Variants in NEU3 observed in about 807,000 individuals in gnomAD.
The protein encoded by NEU3 is sialidase-3.
NEU3 carries 10 observed loss-of-function variants against 11.4 expected under a neutral mutation model. That is an observed-to-expected ratio of 0.88 (90% CI 0.54 to 1.49). The LOEUF (loss-of-function observed/expected upper bound fraction) is 1.49. Ranked by LOEUF, NEU3 falls within the 40% of genes most tolerant of loss-of-function variation. NEU3 has a pLI of 0.00. For synonymous variants in NEU3, 212 were observed against 228.2 expected (o/e 0.93, Z 0.64); for missense variants, 529 against 581.8 (o/e 0.91, Z 0.93).
chr11:75,000,449 A>G (rs988859016), intron 2 of NEU3, among the ~76,000 whole-genome samples: 1 of 151,714 alleles, frequency 6.6e-6, no homozygotes, highest in Non-Finnish European at 1.5e-5. Context: ...AATTTTGACT[A>G]CTCTAGATAT....
chr11:75,006,419 G>A lies in NEU3; in HGVS notation c.1313G>A (p.Arg438Gln), dbSNP rs201609223. The A allele has an allele frequency of 1.2e-5, 20 of 1,613,768 alleles. No homozygotes were observed. The highest frequency in any genetic ancestry group is 2.2e-5 in the South Asian group (2 of 91,078). ...EQIAFRLFTH[R>Q]EILSHLQGDC... is the part of the protein sequence containing the mutation. Reference sequence around the variant, plus strand: ...ATTGCCTTCCGCCTGTTTACACACCGGGAGATCCTGAGTCACCTGCAGGGG... The same window carrying A: ...ATTGCCTTCCGCCTGTTTACACACCAGGAGATCCTGAGTCACCTGCAGGGG... The change falls in exon 3 of 3, where the codon CGG becomes CAG. Residue 438 changes from arginine to glutamine, a missense_variant. Coordinates refer to ENST00000294064, the MANE Select transcript of NEU3 (RefSeq NM_006656.6).
At chr11:74,989,856 C>A in intron 1 of NEU3, 1 of 650,840 alleles carries the variant, frequency 1.5e-6, no homozygotes. Flanking sequence ...GCGGGAAGGA[C>A]TTGATGGGAA....
intron 2 of NEU3, among the ~76,000 whole-genome samples, chr11:75,003,633 T>A (rs1948867402): frequency 6.6e-6 from 1 of 152,156 alleles, no homozygotes; most frequent in Admixed American, 6.5e-5. Flanking sequence ...CTCACGCCTG[T>A]AATCCCAGCA....
Position 74,994,557 on chromosome 11 carries a change from G to A in NEU3, c.143G>A (p.Arg48Gln), listed in dbSNP as rs7115499. The change falls in exon 2 of 3, where the codon CGG (arginine) becomes CAG (glutamine). Residue 48 changes from arginine to glutamine, a missense_variant. Arg to Gln is a conservative substitution (Grantham distance 43). Coordinates refer to ENST00000294064, the MANE Select transcript of NEU3 (RefSeq NM_006656.6). ...TTCSFNSPLF[R>Q]QEDDRGITYR... ...TGCTCCTTCAACAGCCCTCTGTTCC[G>A]GCAGGAAGATGACAGAGGGATTACC... 116,809 of 1,613,628 alleles carry A rather than the reference G, an allele frequency of 0.072. 4,769 individuals are homozygous for A. The highest frequency in any genetic ancestry group is 0.083 in the Non-Finnish European group (97,653 of 1,179,654).
At chr11:74,981,110 G>A in the NEU3 span, among the ~76,000 whole-genome samples, 1,724 of 152,296 alleles carry the variant, frequency 0.011, 35 homozygotes, top group African/African-American at 0.037. Context: ...AGTCTGTCAT[G>A]CCAGGCTTAG....
intron 2 of NEU3, among the ~76,000 whole-genome samples, chr11:74,998,894 G>T (rs1263456618): frequency 1.3e-5 from 2 of 152,200 alleles, no homozygotes; most frequent in Non-Finnish European, 2.9e-5. Context: ...TGGGATTCTA[G>T]CTCTTTCCTT....
chr11:74,995,279 G>A (rs1321911569), intron 2 of NEU3, among the ~76,000 whole-genome samples: 1 of 152,158 alleles, frequency 6.6e-6, no homozygotes, highest in Non-Finnish European at 1.5e-5. Context: ...TGTATGTGAG[G>A]TATATTTTAT....
intron 3 of NEU3, among the ~76,000 whole-genome samples, chr11:75,017,639 T>C (rs907790476): frequency 6.6e-6 from 1 of 152,064 alleles, no homozygotes; most frequent in Non-Finnish European, 1.5e-5. Flanking sequence ...CCTGGCTTCT[T>C]TGGGGATATT....
At chr11:74,987,774 C>T (rs971130131), upstream of NEU3, among the ~76,000 whole-genome samples, 7 of 151,780 alleles carry the variant, frequency 4.6e-5, no homozygotes, top group African/African-American at 7.3e-5. Flanking sequence ...GATGACGCCA[C>T]TGCACTCCAG....
rs1445872140 is a variant in NEU3 at position 74,989,082 on chromosome 11, C to A, written c.22C>A (p.Pro8Thr). 5.2e-6 allele frequency: 8 copies of A among 1,550,794 alleles called. No homozygotes were observed. Among genetic ancestry groups the A allele is most frequent in the Middle Eastern group, 1.8e-4 (1 of 5,686 alleles). Residue 8 changes from proline to threonine, a missense_variant, in exon 1 of 3, where the codon CCG becomes ACG. Physicochemically the swap from Pro to Thr is conservative, Grantham distance 38. Coordinates refer to ENST00000294064, the MANE Select transcript of NEU3 (RefSeq NM_006656.6). The stretch of plus-strand genomic sequence containing the variant: ...GCGAATGAGACCTGCGGACCTGCCC[C>A]CGCGCCCCATGGAAGAATCCCCGGC... Reference protein sequence around the residue: MRPADLPPRPMEESPASS... With the variant: MRPADLPTRPMEESPASS...
rs369520041 is a variant in NEU3 at position 75,005,943 on chromosome 11, A to T, written c.837A>T (p.Thr279=). The T allele has an allele frequency of 6.2e-7, 1 of 1,613,622 alleles. No homozygotes were observed. The highest frequency in any genetic ancestry group is 1.3e-5 in the African/African-American group (1 of 74,914). ...GHPVLYCSAR[T]PNRCRAEALS... ...CTGTGCTATATTGCAGTGCCCGGAC[A>T]CCAAACAGGTGCCGGGCAGAGGCGC... The change falls in exon 3 of 3, where the codon ACA becomes ACT. Residue 279 remains threonine (T), a synonymous_variant. Transcript: ENST00000294064.
intron 2 of NEU3, among the ~76,000 whole-genome samples, chr11:75,001,103 C>T (rs1466298712): frequency 1.3e-5 from 2 of 152,062 alleles, no homozygotes; most frequent in African/African-American, 4.8e-5. Context: ...TAGTTTTCCA[C>T]ATCCCCACCG....
chr11:74,997,680 C>T (rs1299320634), intron 2 of NEU3, among the ~76,000 whole-genome samples: 2 of 86,468 alleles, frequency 2.3e-5, no homozygotes, highest in African/African-American at 4.3e-5. Context: ...CCCGTCTCTA[C>T]TAAAAATACC....
At chr11:74,980,567 T>C in the NEU3 span, among the ~76,000 whole-genome samples, 4 of 152,224 alleles carry the variant, frequency 2.6e-5, no homozygotes, top group Non-Finnish European at 5.9e-5. Context: ...AATAGCACGT[T>C]AATTTAGACT....
At chr11:74,994,086 C>T (rs930115396) in intron 1 of NEU3, among the ~76,000 whole-genome samples, 62 of 152,084 alleles carry the variant, frequency 4.1e-4, no homozygotes, top group Admixed American at 1.4e-3. Flanking sequence ...CCTAGGCTTT[C>T]GTACAGAAAA....
intron 2 of NEU3, chr11:74,995,188 GA>G (rs1948776945): frequency 2.6e-6 from 1 of 387,548 alleles, no homozygotes; most frequent in Non-Finnish European, 4.6e-6. Flanking sequence ...AGTGCTCCAA[GA>G]GGTAAGTAAC....
At chr11:75,001,469 G>A (rs1948844062) in intron 2 of NEU3, among the ~76,000 whole-genome samples, 1 of 151,686 alleles carries the variant, frequency 6.6e-6, no homozygotes, top group Non-Finnish European at 1.5e-5. Flanking sequence ...TTTTAGTAGA[G>A]ACAGGGTTTC....
chr11:74,980,707 T>C, the NEU3 span, among the ~76,000 whole-genome samples: 1 of 152,364 alleles, frequency 6.6e-6, no homozygotes, highest in East Asian at 1.9e-4. Flanking sequence ...CATTGTCTGT[T>C]AATAAGGAAC....
upstream of NEU3, among the ~76,000 whole-genome samples, chr11:74,983,855 A>G (rs549942933): frequency 2.0e-5 from 3 of 152,328 alleles, no homozygotes; most frequent in East Asian, 3.9e-4. Context: ...TACAGGGTCA[A>G]TACAGAAACT....
Sources: gnomAD v4.1 joint callset for allele counts (sites outside exome capture counted in the v4.1 genomes callset) on GRCh38, gnomAD v4.1.1 for gene constraint, MANE v1.5 for transcripts, NCBI Gene and HGNC (gene_info 2026-07-23, HGNC 2026-07-21) for gene names.